The following TRABD2B variants were observed in gnomAD, a reference collection of about 807,000 sequenced individuals.
The protein encoded by TRABD2B is metalloprotease TIKI2.
A neutral mutation model predicts 40.1 loss-of-function variants in TRABD2B; 14 were observed. The ratio of observed to expected loss-of-function variants is 0.35; its 90% confidence interval spans 0.23 to 0.55. The LOEUF (loss-of-function observed/expected upper bound fraction) is 0.55, where lower values mean the gene tolerates loss of function less well. Ranked by LOEUF, TRABD2B falls within the 20% of genes least tolerant of loss-of-function variation. TRABD2B has a pLI of 0.90. For missense variants in TRABD2B, 541 were observed against 648.6 expected (o/e 0.83, Z 1.80); for synonymous variants, 263 against 277.0 (o/e 0.95, Z 0.50).
At chr1:47,879,985 T>A (rs1423638967) in intron 2 of TRABD2B, among the ~76,000 whole-genome samples, 1 of 152,226 alleles carries the variant, frequency 6.6e-6, no homozygotes, top group Non-Finnish European at 1.5e-5. Flanking sequence ...TTTTCCACCC[T>A]TAGCTTCTAG....
chr1:47,875,732 A>C (rs1184339355), intron 2 of TRABD2B, among the ~76,000 whole-genome samples: 1 of 133,438 alleles, frequency 7.5e-6, no homozygotes, highest in Non-Finnish European at 1.5e-5. Flanking sequence ...AAGAAAGAGC[A>C]GAAAAGAAAA....
intron 2 of TRABD2B, among the ~76,000 whole-genome samples, chr1:47,845,810 T>G (rs139461482): frequency 1.3e-5 from 2 of 152,232 alleles, no homozygotes; most frequent in Admixed American, 1.3e-4. Flanking sequence ...TACCTCCTAA[T>G]GTGTTTAGTC....
intron 2 of TRABD2B, among the ~76,000 whole-genome samples, chr1:47,879,587 T>G (rs753840535): frequency 6.6e-6 from 1 of 152,268 alleles, no homozygotes; most frequent in Non-Finnish European, 1.5e-5. Context: ...CATGCATGAC[T>G]CTATACCTGT....
chr1:47,766,393 G>C (rs1644303766), intron 6 of TRABD2B, among the ~76,000 whole-genome samples: 1 of 152,080 alleles, frequency 6.6e-6, no homozygotes, highest in South Asian at 2.1e-4. Flanking sequence ...CGAGAGAATG[G>C]GTCCCAGGCA....
chr1:47,995,037 C>T (rs1024354611), intron 1 of TRABD2B, among the ~76,000 whole-genome samples: 2 of 152,178 alleles, frequency 1.3e-5, no homozygotes, highest in Non-Finnish European at 2.9e-5. Context: ...GTCAAACCTT[C>T]ACCGGTGGTG....
chr1:47,830,812 A>C (rs1051162426), intron 2 of TRABD2B, among the ~76,000 whole-genome samples: 22 of 152,298 alleles, frequency 1.4e-4, no homozygotes, highest in Non-Finnish European at 2.9e-4. Context: ...TCTCTGGGGG[A>C]CACTAATATT....
At chr1:47,820,782 CCA>C (rs56348753) in intron 2 of TRABD2B, among the ~76,000 whole-genome samples, 58,228 of 146,848 alleles carry the variant, frequency 0.4, 11,566 homozygotes, top group East Asian at 0.49. Context: ...TTCACACACA[CCA>C]CACACACACA....
chr1:47,955,315 C>T (rs567257006), intron 2 of TRABD2B, among the ~76,000 whole-genome samples: 1 of 152,318 alleles, frequency 6.6e-6, no homozygotes, highest in Admixed American at 6.5e-5. Context: ...TTTCTCCTTC[C>T]ACCACCTCTC....
intron 2 of TRABD2B, among the ~76,000 whole-genome samples, chr1:47,890,548 T>C (rs1644430912): frequency 6.6e-6 from 1 of 152,122 alleles, no homozygotes; most frequent in African/African-American, 2.4e-5. Context: ...TGAAAGAGCA[T>C]TTCTTCAGCT....
At chr1:47,804,949 A>G (rs1644871060) in intron 2 of TRABD2B, among the ~76,000 whole-genome samples, 1 of 152,206 alleles carries the variant, frequency 6.6e-6, no homozygotes, top group South Asian at 2.1e-4. Flanking sequence ...CACTAGCTCA[A>G]TGTCTCCCTG....
At chr1:47,777,441 A>C (rs1644462595) in intron 5 of TRABD2B, among the ~76,000 whole-genome samples, 1 of 152,186 alleles carries the variant, frequency 6.6e-6, no homozygotes, top group Non-Finnish European at 1.5e-5. Flanking sequence ...TCGAGACCTC[A>C]GTTCACCCTC....
chr1:47,812,588 A>C (rs1000051836), intron 2 of TRABD2B, among the ~76,000 whole-genome samples: 2 of 152,116 alleles, frequency 1.3e-5, no homozygotes, highest in African/African-American at 4.8e-5. Flanking sequence ...ATATGCTGTC[A>C]CGTGCCTGTA....
chr1:47,766,453 A>G (rs1644304502), intron 6 of TRABD2B, among the ~76,000 whole-genome samples: 1 of 152,172 alleles, frequency 6.6e-6, no homozygotes, highest in Admixed American at 6.5e-5. Flanking sequence ...TGGGGTGGTC[A>G]GTCATCGACG....
In TRABD2B at chr1:47,927,491, A is replaced by G. The variant is rs1368979487; in HGVS notation, c.666+66543T>C. ...GCTGAAGCTGGCTCCTTCTCAGAGC[A>G]CCTCCCTCCAGAGAGCCCAGGCCTG... On this transcript the variant is annotated intron_variant, in intron 2 of 6. Transcript: ENST00000606738. 2.0e-5 allele frequency among the ~76,000 whole-genome samples: 3 copies of G among 152,024 alleles called. No homozygotes were observed. In the East Asian group the frequency reaches 5.8e-4, roughly 29 times the overall value.
At position 47,801,527 on chromosome 1, in the gene TRABD2B, C is replaced by T; in HGVS notation, c.759G>A (p.Lys253=). 2 of 1,536,116 alleles carry T rather than the reference C, an allele frequency of 1.3e-6. No homozygotes were observed. Among genetic ancestry groups the T allele is most frequent in the Non-Finnish European group, 1.7e-6 (2 of 1,146,906 alleles). ...CGCTGAGGTCTCCGCAGTTGTAGTG[C>T]TTGATGAGGTCCTCCGTGGTGTAGG... ...QASYTTEDLI[K]HYNCGDLSAV... is the part of the protein sequence containing the mutation. The change falls in exon 3 of 7, where the codon AAG becomes AAA. Residue 253 remains lysine, a synonymous_variant. Transcript: ENST00000606738.
At chr1:47,808,931 G>T (rs191516331) in intron 2 of TRABD2B, among the ~76,000 whole-genome samples, 36 of 152,238 alleles carry the variant, frequency 2.4e-4, no homozygotes, top group African/African-American at 8.7e-4. Context: ...TAGCTGTGGT[G>T]CACTGTCAGA....
rs139601649 is a variant in TRABD2B at position 47,786,286 on chromosome 1, C to T, written c.989-7742G>A. On this transcript the variant is annotated intron_variant, in intron 4 of 6. Transcript: ENST00000606738. ...AATCTACACTTTCTTCTCTTCTTGCCTTTCTCACACTGTCCAGGAAGAATG... is the reference window on the plus strand; with the variant it reads ...AATCTACACTTTCTTCTCTTCTTGCTTTTCTCACACTGTCCAGGAAGAATG... Among the ~76,000 whole-genome samples, 147 of 152,334 alleles carry T rather than the reference C, an allele frequency of 9.6e-4. 1 individual carries two copies. Among genetic ancestry groups the T allele is most frequent in the African/African-American group, 3.3e-3 (136 of 41,590 alleles).
chr1:47,808,363 A>G (rs922722713), intron 2 of TRABD2B, among the ~76,000 whole-genome samples: 2 of 152,246 alleles, frequency 1.3e-5, no homozygotes. Flanking sequence ...ACACACATAC[A>G]TATATTCTAT....
rs535154180 is a variant in TRABD2B at position 47,761,091 on chromosome 1, C to T, written c.*4811G>A. ...AGGCCCAAGATTGTCCATGTCACCC[C>T]TGCCCTCCAGCCCTAGAACTGCCCA... On this transcript the variant is annotated 3_prime_UTR_variant, in exon 7 of 7. Coordinates refer to ENST00000606738, the MANE Select transcript of TRABD2B (RefSeq NM_001194986.2). 1.3e-5 allele frequency: 2 copies of T among 152,506 alleles called. No homozygotes were observed. The highest frequency in any genetic ancestry group is 4.8e-5 in the African/African-American group (2 of 41,580). The allele number at this position is 152,506 out of a possible 1,614,324, so 9.4% of individuals were successfully genotyped here. A position where few individuals can be genotyped will look rare whatever the true frequency, so the allele number is the denominator to read the frequency against.
Sources: gnomAD v4.1 joint callset for allele counts (sites outside exome capture counted in the v4.1 genomes callset) on GRCh38, gnomAD v4.1.1 for gene constraint, MANE v1.5 for transcripts, NCBI Gene and HGNC (gene_info 2026-07-23, HGNC 2026-07-21) for gene names.